The following CDH18 variants were observed in gnomAD, a reference collection of about 807,000 sequenced individuals.
The protein encoded by CDH18 is cadherin-18.
A neutral mutation model predicts 67.9 loss-of-function variants in CDH18; 31 were observed. The ratio of observed to expected loss-of-function variants is 0.46; its 90% CI spans 0.34 to 0.62. CDH18 has a LOEUF of 0.62. Ranked by LOEUF, CDH18 falls within the 20% of genes least tolerant of loss-of-function variation. The probability of loss-of-function intolerance (pLI) is 0.01; values close to 1 mark genes in which losing one functional copy is unlikely to be tolerated. For missense variants in CDH18, 890 were observed against 975.5 expected (o/e 0.91, Z 1.17); for synonymous variants, 362 against 347.2 (o/e 1.04, Z -0.48).
intron 2 of CDH18, among the ~76,000 whole-genome samples, chr5:20,157,446 T>G (rs1751619856): frequency 1.3e-5 from 2 of 152,172 alleles, no homozygotes; most frequent in East Asian, 1.9e-4. Flanking sequence ...TTTTTTTATT[T>G]ATTTTCATTT....
chr5:20,219,237 G>A (rs1325169369), intron 2 of CDH18, among the ~76,000 whole-genome samples: 1 of 151,640 alleles, frequency 6.6e-6, no homozygotes, highest in African/African-American at 2.4e-5. Context: ...TAGAAGAAAT[G>A]GATAAATTAT....
At chr5:20,090,857 C>T (rs1459826145) in intron 2 of CDH18, among the ~76,000 whole-genome samples, 1 of 151,496 alleles carries the variant, frequency 6.6e-6, no homozygotes, top group Admixed American at 6.6e-5. Flanking sequence ...TGGTGAAACC[C>T]CAGATTTACA....
In CDH18 at chr5:20,171,677, A is replaced by G. The variant is rs573759065; in HGVS notation, c.-518+83767T>C. ...CCCTTTCTGTAGGTTGCTTGTTTAT[A>G]CTCGTGATACTTTCTTTTGCATTGC... On this transcript the variant is annotated intron_variant, in intron 2 of 14. Coordinates refer to the CDH18 transcript ENST00000507958. 3.3e-5 allele frequency among the ~76,000 whole-genome samples: 5 copies of G among 151,708 alleles called. No homozygotes were observed. In the South Asian group the frequency reaches 6.2e-4, roughly 19 times the overall value.
At chr5:20,272,983 G>C (rs1004240286) in intron 1 of CDH18, among the ~76,000 whole-genome samples, 4 of 152,022 alleles carry the variant, frequency 2.6e-5, no homozygotes, top group African/African-American at 9.7e-5. Flanking sequence ...GAATAAACTA[G>C]TGAATAGATT....
chr5:20,127,223 C>G (rs773684165), intron 2 of CDH18, among the ~76,000 whole-genome samples: 7 of 152,098 alleles, frequency 4.6e-5, no homozygotes, highest in Non-Finnish European at 1.0e-4. Flanking sequence ...TCTCTCTCTC[C>G]TGCTCCACCA....
intron 4 of CDH18, among the ~76,000 whole-genome samples, chr5:19,729,765 T>C (rs911057628): frequency 1.3e-5 from 2 of 152,132 alleles, no homozygotes; most frequent in African/African-American, 2.4e-5. Flanking sequence ...CTAGTGAAAA[T>C]TGACTGGACT....
At chr5:20,039,732 A>C (rs1257068220) in intron 2 of CDH18, among the ~76,000 whole-genome samples, 1 of 152,172 alleles carries the variant, frequency 6.6e-6, no homozygotes, top group Admixed American at 6.5e-5. Flanking sequence ...AAGAACTAAA[A>C]CCATAAAAAC....
At chr5:20,130,703 T>C (rs979327978) in intron 2 of CDH18, among the ~76,000 whole-genome samples, 11 of 152,004 alleles carry the variant, frequency 7.2e-5, no homozygotes, top group African/African-American at 2.7e-4. Context: ...AATGTTAACC[T>C]CAAGAAATCT....
At chr5:20,144,035 A>T (rs1182585837) in intron 2 of CDH18, among the ~76,000 whole-genome samples, 2 of 152,198 alleles carry the variant, frequency 1.3e-5, no homozygotes, top group African/African-American at 4.8e-5. Flanking sequence ...GAAAATTCTG[A>T]AACAGCAGAA....
chr5:19,634,734 T>C (rs1473725350), intron 5 of CDH18, among the ~76,000 whole-genome samples: 1 of 151,852 alleles, frequency 6.6e-6, no homozygotes, highest in African/African-American at 2.4e-5. Context: ...GGTTGGGAGT[T>C]CGAGACCACC....
At chr5:19,659,386 C>T (rs543456398) in intron 5 of CDH18, among the ~76,000 whole-genome samples, 61 of 152,148 alleles carry the variant, frequency 4.0e-4, no homozygotes, top group African/African-American at 1.3e-3. Flanking sequence ...AGTTAAATTA[C>T]TATATGTGGA....
intron 5 of CDH18, among the ~76,000 whole-genome samples, chr5:19,689,496 T>A (rs1032961926): frequency 1.3e-5 from 2 of 151,992 alleles, no homozygotes; most frequent in Non-Finnish European, 2.9e-5. Context: ...AAGGAATTTA[T>A]AACTATTAGA....
chr5:19,719,763 T>G (rs1765770834), intron 5 of CDH18, among the ~76,000 whole-genome samples: 1 of 151,940 alleles, frequency 6.6e-6, no homozygotes, highest in African/African-American at 2.4e-5. Flanking sequence ...TTATAATGCA[T>G]ATAAGGATAT....
intron 5 of CDH18, among the ~76,000 whole-genome samples, chr5:19,627,338 A>T (rs1751699803): frequency 6.6e-6 from 1 of 152,204 alleles, no homozygotes; most frequent in Non-Finnish European, 1.5e-5. Context: ...TGAGACGAAC[A>T]TCATTTATCT....
intron 2 of CDH18, among the ~76,000 whole-genome samples, chr5:20,082,307 G>A (rs965496506): frequency 2.0e-5 from 3 of 152,114 alleles, no homozygotes; most frequent in African/African-American, 4.8e-5. Flanking sequence ...GAAGAGAACC[G>A]CAAGTAGTAT....
intron 9 of CDH18, among the ~76,000 whole-genome samples, chr5:19,543,642 T>C (rs113638973): frequency 2.8e-4 from 42 of 152,240 alleles, no homozygotes; most frequent in Admixed American, 7.2e-4. Flanking sequence ...GGCATAAGTG[T>C]TCTGTGATGC....
chr5:19,809,173 A>G (rs1778369043), intron 3 of CDH18, among the ~76,000 whole-genome samples: 1 of 152,178 alleles, frequency 6.6e-6, no homozygotes, highest in Admixed American at 6.5e-5. Flanking sequence ...CTAAAATACA[A>G]TACAAGCAAT....
At chr5:20,376,591 G>T (rs1453781750) in intron 1 of CDH18, among the ~76,000 whole-genome samples, 3 of 150,846 alleles carry the variant, frequency 2.0e-5, no homozygotes, top group African/African-American at 7.3e-5. Context: ...AAAGCAAAGA[G>T]AAAAGAAAAG....
rs1412345416 is a variant in CDH18 at position 20,325,762 on chromosome 5, TTGTTCATATTTAC to T, written c.-579-70270_-579-70258del. On this transcript the variant is annotated intron_variant, in intron 1 of 14. Transcript: ENST00000507958. The stretch of plus-strand genomic sequence containing the variant: ...CCCTTACAATCATCCTTTCCAATGG[TTGTTCATATTTAC>T]TGTTCATTGCATTTTATATTCTCTG... Among the ~76,000 whole-genome samples the T allele has an allele frequency of 2.6e-5, 4 of 152,336 alleles. No homozygotes were observed. In the South Asian group the frequency reaches 8.3e-4, roughly 32 times the overall value.
Sources: gnomAD v4.1 joint callset for allele counts (sites outside exome capture counted in the v4.1 genomes callset) on GRCh38, gnomAD v4.1.1 for gene constraint, MANE v1.5 for transcripts, NCBI Gene and HGNC (gene_info 2026-07-23, HGNC 2026-07-21) for gene names.